The following AGRN variants were observed in gnomAD, a reference collection of about 807,000 sequenced individuals.
AGRN encodes agrin proteoglycan.
Under a neutral mutation model 211.0 loss-of-function variants are expected in AGRN, and 106 were observed. The ratio of observed to expected loss-of-function variants is 0.50; its 90% CI spans 0.43 to 0.59. The LOEUF is 0.59. Ranked by LOEUF, AGRN falls within the 20% of genes least tolerant of loss-of-function variation. The pLI, the probability that AGRN is intolerant of heterozygous loss-of-function variation, is 0.00. For synonymous variants in AGRN, 1,525 were observed against 1,332.5 expected, an observed-to-expected ratio of 1.14 and a Z score of -3.15; for missense variants, 3,040 against 2,982.6, an observed-to-expected ratio of 1.02 and a Z score of -0.45.
chr1:1,052,669 ATG>A (rs1482595932), intron 33 of AGRN: 1 of 160,874 alleles, frequency 6.2e-6, no homozygotes, highest in Non-Finnish European at 1.3e-5. Context: ...GCATGGGTCC[ATG>A]TGTGTATAGT....
rs1176766000 is a variant in AGRN at position 1,046,805 on chromosome 1, A to C, written c.3251-15A>C. 2.5e-6 allele frequency: 4 copies of C among 1,577,250 alleles called. No homozygotes were observed. In the African/African-American group the frequency reaches 4.0e-5, roughly 16 times the overall value. On this transcript the variant is annotated splice_polypyrimidine_tract_variant and intron_variant, in intron 18 of 35. Coordinates refer to ENST00000379370, the MANE Select transcript of AGRN (RefSeq NM_198576.4). The stretch of plus-strand genomic sequence containing the variant: ...AGGCTCCACCAGAGCCTGGGCTCAG[A>C]GCGCGTCTCCCCAGGGCTCGAGCCC...
intron 33 of AGRN, chr1:1,052,562 G>A (rs1166203131): frequency 2.5e-5 from 5 of 202,826 alleles, no homozygotes; most frequent in Non-Finnish European, 4.0e-5. Flanking sequence ...TGTATATGAG[G>A]GAGACACGCA....
Position 1,042,092 on chromosome 1 carries a change from T to C in AGRN, c.1314T>C (p.Ser438=), listed in dbSNP as rs1644960214. Reference sequence around the variant, plus strand: ...CCCAGGACGGGCGCACGTATGACAGTGATTGCTGGCGGCAGCAGGCTGAGT... The same window carrying C: ...CCCAGGACGGGCGCACGTATGACAGCGATTGCTGGCGGCAGCAGGCTGAGT... The part of the protein sequence containing the change: ...VCAQDGRTYD[S]DCWRQQAECR... Residue 438 remains serine (S), a synonymous_variant, in exon 7 of 36, where the codon AGT becomes AGC. Transcript: ENST00000379370. 1 of 1,604,080 alleles carries C rather than the reference T, an allele frequency of 6.2e-7. No homozygotes were observed. The highest frequency in any genetic ancestry group is 8.5e-7 in the Non-Finnish European group (1 of 1,178,786).
chr1:1,046,275 G>C lies in AGRN; in HGVS notation c.2911+10G>C, dbSNP rs1645090455. ...CTGGGCCCGTGCCAGGGTGAGGCCT[G>C]ACGGCCACTGCCCCAGAACTGACCA... On this transcript the variant is annotated intron_variant, in intron 17 of 35. Transcript: ENST00000379370. The C allele has an allele frequency of 3.7e-6, 6 of 1,613,056 alleles. No individual in the cohort carries two copies. Among genetic ancestry groups the C allele is most frequent in the African/African-American group, 1.3e-5 (1 of 74,920 alleles).
intron 1 of AGRN, among the ~76,000 whole-genome samples, chr1:1,021,616 AC>A (rs1205121693): frequency 6.6e-6 from 1 of 152,218 alleles, no homozygotes; most frequent in Non-Finnish European, 1.5e-5. Context: ...ACCACAGGCC[AC>A]CGTCAGAGCA....
chr1:1,048,558 G>A lies in AGRN; in HGVS notation c.4105+193G>A. 1.7e-6 allele frequency: 1 copy of A among 605,544 alleles called. No individual in the cohort carries two copies. Among genetic ancestry groups the A allele is most frequent in the Non-Finnish European group, 2.8e-6 (1 of 355,862 alleles). The allele number at this position is 605,544 out of a possible 1,614,324, so 37.5% of individuals were successfully genotyped here. ...GGCCGAGGCAGGCGGATCACCTGAG[G>A]TCGGGAGTTCGAGACCAGCCTGACC... On this transcript the variant is annotated intron_variant, in intron 23 of 35. Coordinates refer to ENST00000379370, the MANE Select transcript of AGRN (RefSeq NM_198576.4). This position sits in a 1 kb window ranked among gnomAD's most constrained non-coding sequence, Gnocchi z 5.9.
Position 1,048,923 on chromosome 1 carries a change from C to G in AGRN, c.4162C>G (p.Leu1388Val), listed in dbSNP as rs765282930. The change falls in exon 24 of 36, where the codon CTC becomes GTC. Residue 1388 changes from leucine (L) to valine (V), a missense_variant. Leu to Val is a conservative substitution (Grantham distance 32). Transcript: ENST00000379370. The surrounding 1 kb of genome is among the most constrained non-coding windows in gnomAD (Gnocchi z 5.9). ...EGRSFLAFPTLRAYHTLRLAL... is the reference protein window; with the variant it reads ...EGRSFLAFPTVRAYHTLRLAL... ...CCGCTCCTTCCTGGCCTTCCCCACT[C>G]TCCGCGCCTACCACACGCTGCGCCT... 1 of 1,559,946 alleles carries G rather than the reference C, an allele frequency of 6.4e-7. No individual in the cohort carries two copies. The highest frequency in any genetic ancestry group is 8.7e-7 in the Non-Finnish European group (1 of 1,153,322).
chr1:1,053,683 T>C, intron 33 of AGRN, 70 bp from the exon 34 acceptor site: 1 of 1,518,170 alleles, frequency 6.6e-7, no homozygotes, highest in Non-Finnish European at 8.9e-7. Flanking sequence ...GGGGCCCTTG[T>C]CCTCCCGCCT....
At position 1,053,929 on chromosome 1, in the gene AGRN, C is replaced by T; in HGVS notation, c.5828C>T (p.Ser1943Phe). The T allele has an allele frequency of 6.2e-7, 1 of 1,605,078 alleles. No individual in the cohort carries two copies. The highest frequency in any genetic ancestry group is 8.5e-7 in the Non-Finnish European group (1 of 1,176,674). Residue 1943 changes from serine (S) to phenylalanine (F), a missense_variant, in exon 34 of 36, where the codon TCC becomes TTC. By Grantham distance (155) the Ser-to-Phe change is radical. Coordinates refer to ENST00000379370, the MANE Select transcript of AGRN (RefSeq NM_198576.4). The stretch of plus-strand genomic sequence containing the variant: ...GGCTCCCAGCCCGTGGTGCTGCGTT[C>T]CACCGTGCCCGTCAACACCAACCGC... ...NLGSQPVVLRSTVPVNTNRWL... is the reference protein window; with the variant it reads ...NLGSQPVVLRFTVPVNTNRWL...
intron 33 of AGRN, chr1:1,052,528 T>TGC (rs1330810815): frequency 3.8e-5 from 9 of 236,028 alleles, no homozygotes; most frequent in East Asian, 1.2e-4. Flanking sequence ...TGTGTGTGTG[T>TGC]GCATATGGGT....
intron 2 of AGRN, among the ~76,000 whole-genome samples, chr1:1,028,099 G>A (rs994150361): frequency 5.9e-5 from 9 of 152,144 alleles, no homozygotes; most frequent in Non-Finnish European, 1.0e-4. Flanking sequence ...CTCACGGTTG[G>A]CACCTCCACG....
At chr1:1,044,997 G>A (rs1257105079) in intron 12 of AGRN, among the ~76,000 whole-genome samples, 164 bp from the exon 13 acceptor site, 2 of 152,200 alleles carry the variant, frequency 1.3e-5, no homozygotes, top group Non-Finnish European at 2.9e-5. Context: ...CGTAAGATGT[G>A]GGAGCCTCAC....
At chr1:1,034,577 C>T in intron 2 of AGRN, 1 of 986,320 alleles carries the variant, frequency 1.0e-6, no homozygotes, top group Non-Finnish European at 1.2e-6. Flanking sequence ...GCCGCTGGCG[C>T]GGGACACCCG....
At position 1,049,718 on chromosome 1, in the gene AGRN, A is replaced by T. The variant is rs1034017399; in HGVS notation, c.4667A>T (p.Asn1556Ile). Residue 1556 changes from asparagine to isoleucine, a missense_variant, in exon 26 of 36, where the codon AAC (asparagine) becomes ATC (isoleucine). Around this residue, in one of 3 missense-constraint regions of AGRN, gnomAD observed 1,537 missense variants for 1,505.0 expected, o/e 1.02. Coordinates refer to ENST00000379370, the MANE Select transcript of AGRN (RefSeq NM_198576.4). Reference protein sequence around the residue: ...GECGDHPCLPNPCHGGAPCQN... With the variant: ...GECGDHPCLPIPCHGGAPCQN... ...TGCGGGGACCACCCCTGCCTGCCCAACCCCTGCCATGGCGGGGCCCCATGC... is the reference window on the plus strand; with the variant it reads ...TGCGGGGACCACCCCTGCCTGCCCATCCCCTGCCATGGCGGGGCCCCATGC... The T allele has an allele frequency of 6.3e-7, 1 of 1,582,340 alleles. No individual in the cohort carries two copies. Among genetic ancestry groups the T allele is most frequent in the African/African-American group, 1.3e-5 (1 of 74,520 alleles).
At position 1,044,082 on chromosome 1, in the gene AGRN, G is replaced by T. The variant is rs764601556; in HGVS notation, c.2000-27G>T. The T allele has an allele frequency of 1.1e-5, 17 of 1,612,914 alleles. No homozygotes were observed. In the African/African-American group the frequency reaches 1.7e-4, roughly 16 times the overall value. On this transcript the variant is annotated intron_variant, in intron 10 of 35. Transcript: ENST00000379370. Reference sequence around the variant, plus strand: ...CTCTGGCTTTGGACAAGAAGCCCCTGGGTGACTCTGCTCCCCTTCCCCGCA... The same window carrying T: ...CTCTGGCTTTGGACAAGAAGCCCCTTGGTGACTCTGCTCCCCTTCCCCGCA...
chr1:1,038,668 C>G (rs1644856580), intron 3 of AGRN, among the ~76,000 whole-genome samples: 1 of 152,154 alleles, frequency 6.6e-6, no homozygotes, highest in Non-Finnish European at 1.5e-5. Context: ...CTCAGGAGCC[C>G]TGGTGCAGGG....
rs4970395 is a variant in AGRN, at chr1:1,027,566, C to T, written c.463+5104C>T. 9.6e-4 allele frequency among the ~76,000 whole-genome samples: 146 copies of T among 152,370 alleles called. 4 individuals are homozygous for T. Among genetic ancestry groups the T allele is most frequent in the Admixed American group, 8.9e-3 (137 of 15,314 alleles). On this transcript the variant is annotated intron_variant, in intron 2 of 35. Transcript: ENST00000379370. ...TGTCTGGCAAAGGGCCCAGGACCTT[C>T]TGCAGGTGCTGCCTCTGAGATGACC... is the stretch of plus-strand genomic sequence containing the variant.
At chr1:1,050,677 G>T (rs374088428) in intron 29 of AGRN, 49 bp from the exon 30 acceptor site, 5 of 1,602,372 alleles carry the variant, frequency 3.1e-6, no homozygotes, top group African/African-American at 2.7e-5. Flanking sequence ...CTGGGTGGTC[G>T]CGTGGCCGGT....
chr1:1,037,865 G>A (rs1644837509), intron 3 of AGRN, among the ~76,000 whole-genome samples: 1 of 152,206 alleles, frequency 6.6e-6, no homozygotes, highest in South Asian at 2.1e-4. Context: ...AATGCGCTGT[G>A]CCTGGCGGGT....
Sources: gnomAD v4.1 joint callset for allele counts (sites outside exome capture counted in the v4.1 genomes callset) on GRCh38, gnomAD v4.1.1 for gene constraint, gnomAD v4.1.1 regional missense constraint, Gnocchi (gnomAD v3.1) non-coding constraint, MANE v1.5 for transcripts, NCBI Gene and HGNC (gene_info 2026-07-23, HGNC 2026-07-21) for gene names.